ATRNL1: variants seen among roughly 807,000 people sequenced by gnomAD.
ATRNL1 encodes attractin-like protein 1.
In ATRNL1, 95 loss-of-function variants were observed where a neutral mutation model predicts 182.7. The observed-to-expected ratio is 0.52, with a 90% confidence interval of 0.44 to 0.62. The LOEUF (loss-of-function observed/expected upper bound fraction) is 0.62. Ranked by LOEUF, ATRNL1 falls within the 20% of genes least tolerant of loss-of-function variation. The pLI is 0.00. For missense variants in ATRNL1, 1,471 were observed against 1,679.5 expected, an observed-to-expected ratio of 0.88 and a Z score of 2.17; for synonymous variants, 576 against 568.3, an observed-to-expected ratio of 1.01 and a Z score of -0.19.
Position 115,908,862 on chromosome 10 carries a change from A to G in ATRNL1, c.4019-35796A>G, listed in dbSNP as rs532859718. On this transcript the variant is annotated intron_variant, in intron 28 of 28. Transcript: ENST00000355044. ...ACTCATTACTTTTTTCTTAAACCTA[A>G]TAACATGGAATATATGATTCACTAC... Among the ~76,000 whole-genome samples, 29 of 152,224 alleles carry G rather than the reference A, an allele frequency of 1.9e-4. No individual in the cohort carries two copies. In the South Asian group the frequency reaches 2.9e-3, roughly 15 times the overall value.
At chr10:115,143,751 C>T (rs1845847551) in intron 5 of ATRNL1, among the ~76,000 whole-genome samples, 1 of 152,062 alleles carries the variant, frequency 6.6e-6, no homozygotes, top group Non-Finnish European at 1.5e-5. Flanking sequence ...AGAGAGAACG[C>T]ACGTGAGAGT....
chr10:115,122,622 T>TA (rs1292167186), intron 3 of ATRNL1, among the ~76,000 whole-genome samples: 4 of 152,116 alleles, frequency 2.6e-5, no homozygotes, highest in African/African-American at 9.6e-5. Flanking sequence ...TTTTTCTTTT[T>TA]ATTATTCATG....
At chr10:115,592,937 G>A (rs1262466898) in intron 26 of ATRNL1, among the ~76,000 whole-genome samples, 2 of 151,984 alleles carry the variant, frequency 1.3e-5, no homozygotes, top group Admixed American at 6.6e-5. Context: ...CTGTCTGTCT[G>A]TCTATCTGTC....
At chr10:115,175,342 T>C (rs1349187502) in intron 8 of ATRNL1, among the ~76,000 whole-genome samples, 1 of 152,082 alleles carries the variant, frequency 6.6e-6, no homozygotes, top group African/African-American at 2.4e-5. Flanking sequence ...AATATTGATA[T>C]AGGTTGTTAG....
At chr10:115,324,849 G>A (rs782819681) in intron 18 of ATRNL1, among the ~76,000 whole-genome samples, 10 of 151,962 alleles carry the variant, frequency 6.6e-5, no homozygotes, top group Non-Finnish European at 1.5e-4. Flanking sequence ...GTTCTTATTC[G>A]TCTATTCCAC....
chr10:115,576,035 C>G (rs184657851), intron 26 of ATRNL1, among the ~76,000 whole-genome samples: 32 of 152,204 alleles, frequency 2.1e-4, no homozygotes, highest in African/African-American at 7.2e-4. Flanking sequence ...AGCATAATAT[C>G]CTCCTGGCTC....
intron 5 of ATRNL1, among the ~76,000 whole-genome samples, chr10:115,153,006 T>A (rs1025261733): frequency 1.3e-5 from 2 of 152,172 alleles, no homozygotes; most frequent in African/African-American, 4.8e-5. Flanking sequence ...TCTGTTTATA[T>A]GCTGGATTAC....
chr10:115,696,436 C>T (rs961346170), intron 26 of ATRNL1, among the ~76,000 whole-genome samples: 4 of 152,198 alleles, frequency 2.6e-5, no homozygotes, highest in Admixed American at 2.6e-4. Context: ...TGCCACTGCA[C>T]TCCAGCCTGG....
chr10:115,763,375 C>T (rs1948780054), intron 27 of ATRNL1, among the ~76,000 whole-genome samples: 1 of 152,094 alleles, frequency 6.6e-6, no homozygotes, highest in Non-Finnish European at 1.5e-5. Flanking sequence ...TACGTATTCT[C>T]TGTGAACAAA....
intron 27 of ATRNL1, among the ~76,000 whole-genome samples, chr10:115,805,335 A>T (rs144016728): frequency 1.3e-5 from 2 of 152,166 alleles, no homozygotes; most frequent in African/African-American, 4.8e-5. Flanking sequence ...AAACAATGCC[A>T]TGACTTTTAC....
chr10:115,691,061 C>A (rs960828928), intron 26 of ATRNL1, among the ~76,000 whole-genome samples: 1 of 152,138 alleles, frequency 6.6e-6, no homozygotes, highest in Non-Finnish European at 1.5e-5. Context: ...CATCAGTATT[C>A]TTTCCTAGAT....
intron 27 of ATRNL1, among the ~76,000 whole-genome samples, chr10:115,793,523 TG>T (rs1949577936): frequency 7.0e-3 from 1 of 142 alleles, no homozygotes; most frequent in Non-Finnish European, 0.013. Context: ...AAAATAACTT[TG>T]AACGAAGCTG....
chr10:115,599,299 A>G (rs1590736), intron 26 of ATRNL1, among the ~76,000 whole-genome samples: 74,942 of 151,880 alleles, frequency 0.49, 19,402 homozygotes, highest in African/African-American at 0.6. Context: ...AAAATATCTA[A>G]TGTGAATGGT....
chr10:115,786,631 T>A (rs1949403482), intron 27 of ATRNL1, among the ~76,000 whole-genome samples: 1 of 152,192 alleles, frequency 6.6e-6, no homozygotes, highest in African/African-American at 2.4e-5. Context: ...ATTAATTATA[T>A]CTGCAAAGAC....
At chr10:115,276,038 C>T (rs10885680) in intron 13 of ATRNL1, among the ~76,000 whole-genome samples, 32,009 of 151,990 alleles carry the variant, frequency 0.21, 4,273 homozygotes, top group Non-Finnish European at 0.3. Flanking sequence ...CTATCATTTT[C>T]CAATACTTTT....
At chr10:115,445,208 C>G (rs1846899677) in intron 21 of ATRNL1, among the ~76,000 whole-genome samples, 6 of 150,096 alleles carry the variant, frequency 4.0e-5, no homozygotes, top group Admixed American at 4.0e-4. Context: ...ACGGGTAGAT[C>G]ACCTGAGGTC....
Position 115,515,303 on chromosome 10 carries a change from G to A in ATRNL1, c.3655-3960G>A, listed in dbSNP as rs896039747. 3.0e-5 allele frequency among the ~76,000 whole-genome samples: 4 copies of A among 133,658 alleles called. No homozygotes were observed. The South Asian group carries it at 7.1e-4, about 24-fold the overall frequency. 87.7% of individuals were successfully genotyped at this position (133,658 alleles called of 152,430 possible). A position where few individuals can be genotyped will look rare whatever the true frequency, so the allele number is the denominator to read the frequency against. On this transcript the variant is annotated intron_variant, in intron 24 of 28. Coordinates refer to ENST00000355044, the MANE Select transcript of ATRNL1 (RefSeq NM_207303.4). ...GATAGATAGTCTGCCACTTACTTTT[G>A]TTAGAATAGTTGTTCTTTTTTTTTT...
At chr10:115,204,835 G>T (rs1554893398) in intron 8 of ATRNL1, among the ~76,000 whole-genome samples, 1 of 152,036 alleles carries the variant, frequency 6.6e-6, no homozygotes, top group African/African-American at 2.4e-5. Flanking sequence ...GGAAAAGTTT[G>T]AAAAGGATTG....
intron 9 of ATRNL1, among the ~76,000 whole-genome samples, chr10:115,236,665 A>G (rs1271501672): frequency 6.6e-6 from 1 of 152,146 alleles, no homozygotes; most frequent in Non-Finnish European, 1.5e-5. Flanking sequence ...AAATACTCTC[A>G]TCTCCCCTAT....
Sources: allele counts gnomAD v4.1 joint callset (sites outside exome capture counted in the v4.1 genomes callset), GRCh38; gene constraint gnomAD v4.1.1; transcripts MANE v1.5; gene names NCBI Gene and HGNC (gene_info 2026-07-23, HGNC 2026-07-21).